The following ACACA variants were observed in gnomAD, a reference collection of about 807,000 sequenced individuals.
ACACA encodes acetyl-CoA carboxylase 1.
Under a neutral mutation model 296.1 loss-of-function variants are expected in ACACA, and 103 were observed. The ratio of observed to expected loss-of-function variants is 0.35; its 90% CI spans 0.30 to 0.41. ACACA has a LOEUF of 0.41. ACACA is among the 10% of genes least tolerant of loss of function. The pLI is 1.00. For synonymous variants in ACACA, 953 were observed against 1,038.6 expected (o/e 0.92, Z 1.58); for missense variants, 1,554 against 2,989.7 (o/e 0.52, Z 11.20).
Position 37,085,581 on chromosome 17 carries a change from G to A in ACACA, c.*1735C>T, listed in dbSNP as rs371481883. ...AATGCATTTTCCTGGACTGAGAATTGTCCCCCACCACTTTATGCCCTTTTC... is the reference window on the plus strand; with the variant it reads ...AATGCATTTTCCTGGACTGAGAATTATCCCCCACCACTTTATGCCCTTTTC... On this transcript the variant is annotated 3_prime_UTR_variant, in exon 56 of 56. Transcript: ENST00000616317. The A allele has an allele frequency of 5.0e-6, 2 of 398,796 alleles. No individual in the cohort carries two copies. The highest frequency in any genetic ancestry group is 4.4e-6 in the Non-Finnish European group (1 of 226,090). 24.7% of individuals were successfully genotyped at this position (398,796 alleles called of 1,614,324 possible). A position where few individuals can be genotyped will look rare whatever the true frequency, so the allele number is the denominator to read the frequency against.
chr17:37,203,331 A>C (rs2078356889), intron 33 of ACACA, among the ~76,000 whole-genome samples: 1 of 152,204 alleles, frequency 6.6e-6, no homozygotes, highest in South Asian at 2.1e-4. Flanking sequence ...AGAAGTGTCA[A>C]GTTGTGGTCA....
intron 13 of ACACA, 69 bp from the exon 14 acceptor site, chr17:37,257,935 T>C: frequency 4.5e-6 from 7 of 1,572,462 alleles, no homozygotes; most frequent in African/African-American, 1.3e-5. Context: ...ATATTCATTG[T>C]TTAAGTTCTC....
At chr17:37,175,604 A>T (rs991998476) in intron 41 of ACACA, among the ~76,000 whole-genome samples, 31 of 152,194 alleles carry the variant, frequency 2.0e-4, no homozygotes, top group Admixed American at 1.3e-3. Context: ...TAGAAATGAG[A>T]TCCGTTTAGT....
intron 35 of ACACA, among the ~76,000 whole-genome samples, chr17:37,195,265 A>T (rs1255848705): frequency 6.6e-6 from 1 of 152,190 alleles, no homozygotes; most frequent in Admixed American, 6.5e-5. Context: ...TTATTTAATT[A>T]TGTACATTTA....
intron 35 of ACACA, 47 bp from the exon 36 acceptor site, chr17:37,193,462 G>A: frequency 9.3e-6 from 13 of 1,404,794 alleles, no homozygotes; most frequent in Non-Finnish European, 1.2e-5. Flanking sequence ...CATAGACATG[G>A]CTCTTTGAGA....
At chr17:37,263,193 C>T (rs940752068) in intron 11 of ACACA, among the ~76,000 whole-genome samples, 2 of 152,166 alleles carry the variant, frequency 1.3e-5, no homozygotes, top group African/African-American at 4.8e-5. Flanking sequence ...TATGTTCAGG[C>T]CTCTAAACTA....
At chr17:37,160,389 T>C (rs2076413534) in intron 42 of ACACA, among the ~76,000 whole-genome samples, 1 of 152,222 alleles carries the variant, frequency 6.6e-6, no homozygotes, top group Admixed American at 6.5e-5. Context: ...CGGATGCAGG[T>C]ACATGGAAGC....
chr17:37,376,623 T>C (rs917080484), intron 1 of ACACA, among the ~76,000 whole-genome samples: 7 of 152,342 alleles, frequency 4.6e-5, no homozygotes, highest in African/African-American at 1.7e-4. Context: ...ATTTAAAATA[T>C]GAGTTTTCAA....
chr17:37,143,105 G>A (rs2143880733), intron 45 of ACACA, among the ~76,000 whole-genome samples: 1 of 152,058 alleles, frequency 6.6e-6, no homozygotes, highest in Non-Finnish European at 1.5e-5. Flanking sequence ...CTGTAGCCCA[G>A]AGAGGTTAAA....
At chr17:37,309,099 G>T (rs117983578) in intron 3 of ACACA, among the ~76,000 whole-genome samples, 1 of 151,986 alleles carries the variant, frequency 6.6e-6, no homozygotes, top group Non-Finnish European at 1.5e-5. Context: ...AGTTCACTGC[G>T]GCCTTAAACT....
chr17:37,207,636 CAT>C lies in ACACA; in HGVS notation c.3851+19_3851+20del. 1 of 1,613,614 alleles carries C rather than the reference CAT, an allele frequency of 6.2e-7. No homozygotes were observed. Among genetic ancestry groups the C allele is most frequent in the South Asian group, 1.1e-5 (1 of 91,046 alleles). The stretch of plus-strand genomic sequence containing the variant: ...ATGTCCATGGCTCCCCTTGTACAGA[CAT>C]AGTTCCACAATGTCTTACCTGACAA... On this transcript the variant is annotated intron_variant, in intron 31 of 55. Coordinates refer to ENST00000616317, the MANE Select transcript of ACACA (RefSeq NM_198834.3).
chr17:37,347,092 G>A (rs1323368773), intron 1 of ACACA, among the ~76,000 whole-genome samples: 3 of 152,158 alleles, frequency 2.0e-5, no homozygotes, highest in Non-Finnish European at 4.4e-5. Context: ...CGTGTTGTGG[G>A]AGGGACCTGG....
chr17:37,366,991 G>A (rs985837665), intron 1 of ACACA: 2 of 152,066 alleles, frequency 1.3e-5, no homozygotes, highest in African/African-American at 2.4e-5. Context: ...AGGAGGCTGA[G>A]GCAGGAGAAT....
chr17:37,389,369 G>C, intron 1 of ACACA: 1 of 1,569,418 alleles, frequency 6.4e-7, no homozygotes, highest in African/African-American at 1.4e-5. Flanking sequence ...GAAGGAAAGT[G>C]TTCTCTGTGT....
chr17:37,260,275 TA>T (rs1567899017), intron 11 of ACACA, among the ~76,000 whole-genome samples: 12 of 31,694 alleles, frequency 3.8e-4, no homozygotes, highest in Non-Finnish European at 5.5e-4. Flanking sequence ...TATATATATA[TA>T]TATATATATA....
chr17:37,354,395 G>A (rs2049038280), intron 1 of ACACA, among the ~76,000 whole-genome samples: 1 of 152,174 alleles, frequency 6.6e-6, no homozygotes, highest in Non-Finnish European at 1.5e-5. Flanking sequence ...AGACTAGACA[G>A]CCCAATGGTA....
At chr17:37,178,365 T>C (rs1174697727) in intron 41 of ACACA, among the ~76,000 whole-genome samples, 1 of 152,206 alleles carries the variant, frequency 6.6e-6, no homozygotes, top group Admixed American at 6.5e-5. Flanking sequence ...CTAATTCTGA[T>C]TGAGCCCCTT....
At chr17:37,245,886 A>T (rs1042806137) in intron 19 of ACACA, among the ~76,000 whole-genome samples, 4 of 152,288 alleles carry the variant, frequency 2.6e-5, no homozygotes, top group Admixed American at 2.6e-4. Context: ...ATAACCTCAC[A>T]TTCAAGATCT....
Position 37,108,390 on chromosome 17 carries a change from A to AT in ACACA, c.6565+3140dup, listed in dbSNP as rs371331191. 5.2e-3 allele frequency among the ~76,000 whole-genome samples: 763 copies of AT among 145,934 alleles called. 5 individuals carry two copies. The highest frequency in any genetic ancestry group is 0.015 in the African/African-American group (581 of 39,982). On this transcript the variant is annotated intron_variant, in intron 52 of 55. Transcript: ENST00000616317. ...TCTTATAAAATACATAGCAATTATG[A>AT]TTTTTTTTTTTTTTAAAGACAGGGA...
Sources: allele counts gnomAD v4.1 joint callset (sites outside exome capture counted in the v4.1 genomes callset), GRCh38; gene constraint gnomAD v4.1.1; transcripts MANE v1.5; gene names NCBI Gene and HGNC (gene_info 2026-07-23, HGNC 2026-07-21).